Variants in PTPN1 observed in about 807,000 individuals in gnomAD.
PTPN1 encodes the protein protein tyrosine phosphatase non-receptor type 1.
In PTPN1, 12 loss-of-function variants were observed where a neutral mutation model predicts 59.9. The ratio of observed to expected loss-of-function variants is 0.20; its 90% CI spans 0.13 to 0.32. PTPN1 has a LOEUF of 0.32. PTPN1 is among the 10% of genes least tolerant of loss of function. The pLI is 1.00. For synonymous variants in PTPN1, 178 were observed against 203.6 expected, an observed-to-expected ratio of 0.87 and a Z score of 1.07; for missense variants, 356 against 549.2, an observed-to-expected ratio of 0.65 and a Z score of 3.52.
Position 50,540,010 on chromosome 20 carries a change from TC to T in PTPN1, c.64-21352del, listed in dbSNP as rs1197263829. Among the ~76,000 whole-genome samples the T allele has an allele frequency of 3.3e-5, 5 of 152,082 alleles. No homozygotes were observed. The South Asian group carries it at 8.3e-4, about 25-fold the overall frequency. Reference sequence around the variant, plus strand: ...TATGTTTGATCTTCTTTGCCTGTCGTCTGTTTCTTTCACTTCCTCTCACTTT... The same window carrying T: ...TATGTTTGATCTTCTTTGCCTGTCGTTGTTTCTTTCACTTCCTCTCACTTT... On this transcript the variant is annotated intron_variant, in intron 1 of 9. Transcript: ENST00000371621.
At chr20:50,554,302 G>C (rs1007775363) in intron 1 of PTPN1, among the ~76,000 whole-genome samples, 22 of 152,014 alleles carry the variant, frequency 1.4e-4, no homozygotes, top group African/African-American at 5.1e-4. Context: ...AGGGAGGATT[G>C]CCTGAGCCCA....
rs1412830650 is a variant in PTPN1, at chr20:50,539,637, T to G, written c.64-21726T>G. ...ATGTGCCCAAAGGATTTTTTCCCTC[T>G]TTCTCTCTTTTTTTTTTTTTTTTTT... On this transcript the variant is annotated intron_variant, in intron 1 of 9. Coordinates refer to ENST00000371621, the MANE Select transcript of PTPN1 (RefSeq NM_002827.4). Among the ~76,000 whole-genome samples, 3 of 147,326 alleles carry G rather than the reference T, an allele frequency of 2.0e-5. 1 individual carries two copies. In the South Asian group the frequency reaches 6.3e-4, roughly 31 times the overall value.
intron 1 of PTPN1, among the ~76,000 whole-genome samples, chr20:50,536,596 G>C (rs1272501292): frequency 6.6e-6 from 1 of 152,204 alleles, no homozygotes; most frequent in African/African-American, 2.4e-5. Flanking sequence ...CGTGTGGCCA[G>C]AACATTGGTC....
rs573995433 is a variant in PTPN1 at position 50,574,902 on chromosome 20, T to G, written c.492+248T>G. The G allele has an allele frequency of 9.1e-6, 4 of 439,730 alleles. No individual in the cohort carries two copies. In the Admixed American group the frequency reaches 1.9e-4, roughly 21 times the overall value. 27.2% of individuals were successfully genotyped at this position (439,730 alleles called of 1,614,324 possible). A position where few individuals can be genotyped will look rare whatever the true frequency, so the allele number is the denominator to read the frequency against. The stretch of plus-strand genomic sequence containing the variant: ...ACACCAGTTCTTAGGGAAAGGAGAG[T>G]TTCTTACCCAAAAGACTGGTTCCTG... On this transcript the variant is annotated intron_variant, in intron 5 of 9. Coordinates refer to ENST00000371621, the MANE Select transcript of PTPN1 (RefSeq NM_002827.4).
chr20:50,517,865 CCTT>C (rs1179379496), intron 1 of PTPN1, among the ~76,000 whole-genome samples: 1 of 152,148 alleles, frequency 6.6e-6, no homozygotes, highest in African/African-American at 2.4e-5. Context: ...GTCCCTGTCT[CCTT>C]CTCTTTACTT....
chr20:50,558,798 T>G (rs1356693007), intron 1 of PTPN1, among the ~76,000 whole-genome samples: 2 of 152,192 alleles, frequency 1.3e-5, no homozygotes, highest in African/African-American at 4.8e-5. Flanking sequence ...CAATCCAGCC[T>G]GCTCGCTTCC....
At chr20:50,529,464 AT>A (rs2082591280) in intron 1 of PTPN1, among the ~76,000 whole-genome samples, 1 of 152,188 alleles carries the variant, frequency 6.6e-6, no homozygotes, top group Non-Finnish European at 1.5e-5. Context: ...AAGTTAGATC[AT>A]TTTTCCTAAG....
chr20:50,517,962 T>C (rs1024637777), intron 1 of PTPN1, among the ~76,000 whole-genome samples: 7 of 152,196 alleles, frequency 4.6e-5, no homozygotes, highest in African/African-American at 1.7e-4. Flanking sequence ...GTGGCTTTTG[T>C]GGGTGAGCAA....
At position 50,510,478 on chromosome 20, in the gene PTPN1, A is replaced by C; in HGVS notation, c.-50A>C. The C allele has an allele frequency of 6.5e-7, 1 of 1,542,498 alleles. No individual in the cohort carries two copies. The highest frequency in any genetic ancestry group is 8.8e-7 in the Non-Finnish European group (1 of 1,141,852). On this transcript the variant is annotated 5_prime_UTR_variant, in exon 1 of 10. Coordinates refer to ENST00000371621, the MANE Select transcript of PTPN1 (RefSeq NM_002827.4). ...AGAGCGCGACGCGGCCTAGAGCGGC[A>C]GACGGCGCAGTGGGCCGAGAAGGAG...
At chr20:50,561,146 C>T (rs1362307267) in intron 1 of PTPN1, among the ~76,000 whole-genome samples, 1 of 152,162 alleles carries the variant, frequency 6.6e-6, no homozygotes, top group Non-Finnish European at 1.5e-5. Flanking sequence ...TGTCTCTCTG[C>T]CCTCTTCCTC....
chr20:50,562,565 C>T (rs911257666), intron 2 of PTPN1, among the ~76,000 whole-genome samples: 1 of 152,180 alleles, frequency 6.6e-6, no homozygotes, highest in Non-Finnish European at 1.5e-5. Context: ...GCCCAGCGCC[C>T]AGTACCTCAC....
chr20:50,541,541 A>T (rs1436792869), intron 1 of PTPN1, among the ~76,000 whole-genome samples: 2 of 151,116 alleles, frequency 1.3e-5, no homozygotes, highest in Non-Finnish European at 2.9e-5. Context: ...ACAGTTGTAC[A>T]TGTGTCCCAT....
At chr20:50,553,655 G>A (rs563267454) in intron 1 of PTPN1, among the ~76,000 whole-genome samples, 4 of 152,268 alleles carry the variant, frequency 2.6e-5, no homozygotes, top group Admixed American at 6.5e-5. Flanking sequence ...ACAATGTGAT[G>A]CATAGCTAGA....
chr20:50,545,219 G>A (rs907694746), intron 1 of PTPN1, among the ~76,000 whole-genome samples: 2 of 152,096 alleles, frequency 1.3e-5, no homozygotes, highest in Non-Finnish European at 2.9e-5. Context: ...GCCCCCCAAA[G>A]TGTTGGGATT....
chr20:50,543,345 G>C (rs540472826), intron 1 of PTPN1, among the ~76,000 whole-genome samples: 3 of 152,286 alleles, frequency 2.0e-5, no homozygotes, highest in Admixed American at 2.0e-4. Context: ...TTGATATCTT[G>C]TGTTCCTCTT....
chr20:50,526,191 G>A (rs1271109495), intron 1 of PTPN1, among the ~76,000 whole-genome samples: 1 of 152,056 alleles, frequency 6.6e-6, no homozygotes, highest in East Asian at 1.9e-4. Flanking sequence ...TTGCCATAGT[G>A]GGGAATTGCT....
intron 1 of PTPN1, among the ~76,000 whole-genome samples, chr20:50,521,454 TCCCAGAC>T (rs1489485627): frequency 6.6e-6 from 1 of 152,254 alleles, no homozygotes; most frequent in Non-Finnish European, 1.5e-5. Flanking sequence ...GACAATGAGG[TCCCAGAC>T]CCTCAGTCTT....
intron 1 of PTPN1, among the ~76,000 whole-genome samples, chr20:50,557,225 TA>T (rs1225683819): frequency 6.6e-6 from 1 of 152,202 alleles, no homozygotes. Context: ...TTTAAATTTA[TA>T]AATTCTTTTT....
chr20:50,565,937 A>G (rs1181358099), intron 3 of PTPN1, among the ~76,000 whole-genome samples: 1 of 152,246 alleles, frequency 6.6e-6, no homozygotes, highest in Admixed American at 6.5e-5. Context: ...GAGCTAGGTC[A>G]GGGCGCGTTC....
Sources: allele counts gnomAD v4.1 joint callset (sites outside exome capture counted in the v4.1 genomes callset), GRCh38; gene constraint gnomAD v4.1.1; transcripts MANE v1.5; gene names NCBI Gene and HGNC (gene_info 2026-07-23, HGNC 2026-07-21).